Variants in WIF1 observed in about 807,000 individuals in gnomAD.
WIF1 encodes the protein Wnt inhibitory factor 1.
A neutral mutation model predicts 53.5 loss-of-function variants in WIF1; 35 were observed. The observed-to-expected ratio is 0.65, with a 90% CI of 0.50 to 0.87. WIF1 has a LOEUF of 0.87. Among genes scored for constraint, WIF1 ranks in the 40% least tolerant of loss-of-function variants. The pLI, the probability that WIF1 is intolerant of heterozygous loss-of-function variation, is 0.00. For missense variants in WIF1, 467 were observed against 476.8 expected (o/e 0.98, Z 0.19); for synonymous variants, 171 against 170.4 (o/e 1.00, Z -0.03).
At chr12:65,084,092 C>T (rs1158231856) in intron 2 of WIF1, among the ~76,000 whole-genome samples, 1 of 151,950 alleles carries the variant, frequency 6.6e-6, no homozygotes, top group African/African-American at 2.4e-5. Context: ...TGTTTCTTAC[C>T]TCTATCTCAT....
chr12:65,114,049 G>GGGAT (rs1349375865), intron 2 of WIF1, among the ~76,000 whole-genome samples: 2 of 152,158 alleles, frequency 1.3e-5, no homozygotes, highest in Non-Finnish European at 2.9e-5. Context: ...TACACATTAA[G>GGGAT]GGATTTCCAT....
At chr12:65,114,683 A>T (rs1241098509) in intron 2 of WIF1, among the ~76,000 whole-genome samples, 3 of 152,156 alleles carry the variant, frequency 2.0e-5, no homozygotes, top group African/African-American at 7.2e-5. Flanking sequence ...TCTCTTGAGC[A>T]TATCTAATAT....
At position 65,055,230 on chromosome 12, in the gene WIF1, TA is replaced by T. The variant is rs755764654; in HGVS notation, c.923-18del. On this transcript the variant is annotated intron_variant, in intron 8 of 9. Coordinates refer to ENST00000286574, the MANE Select transcript of WIF1 (RefSeq NM_007191.5). ...CGCAGACAGCTAGAATCAAAAGAAA[TA>T]AAAAGAGTATTTCCTGAGCTTTCCT... 3.1e-6 allele frequency: 5 copies of T among 1,608,944 alleles called. No individual in the cohort carries two copies. Among genetic ancestry groups the T allele is most frequent in the East Asian group, 4.5e-5 (2 of 44,836 alleles).
intron 4 of WIF1, 118 bp from the exon 5 acceptor site, chr12:65,067,908 G>T: frequency 1.3e-6 from 1 of 778,814 alleles, no homozygotes. Context: ...AATCATAATT[G>T]ATCAAATACC....
chr12:65,067,906 T>C, intron 4 of WIF1, 116 bp from the exon 5 acceptor site: 2 of 794,570 alleles, frequency 2.5e-6, no homozygotes, highest in Non-Finnish European at 4.0e-6. Context: ...TTAATCATAA[T>C]TGATCAAATA....
At chr12:65,062,357 C>T (rs886539956) in intron 7 of WIF1, 124 bp downstream of exon 7, 2 of 856,456 alleles carry the variant, frequency 2.3e-6, no homozygotes, top group Non-Finnish European at 3.5e-6. Flanking sequence ...AACCACTGGC[C>T]TAAGACCTTA....
intron 8 of WIF1, among the ~76,000 whole-genome samples, 172 bp from the exon 9 acceptor site, chr12:65,055,385 C>A (rs1476002235): frequency 2.6e-5 from 4 of 152,128 alleles, no homozygotes; most frequent in Non-Finnish European, 5.9e-5. Context: ...TTTGTAAAGT[C>A]CTGAGAATGA....
chr12:65,089,683 C>A (rs1883094618), intron 2 of WIF1, among the ~76,000 whole-genome samples: 1 of 152,106 alleles, frequency 6.6e-6, no homozygotes, highest in African/African-American at 2.4e-5. Context: ...ATACTCTATG[C>A]CTGGAGTATC....
intron 2 of WIF1, among the ~76,000 whole-genome samples, chr12:65,090,716 A>C (rs2136629628): frequency 6.6e-6 from 1 of 152,292 alleles, no homozygotes; most frequent in East Asian, 1.9e-4. Flanking sequence ...GAGGAACCCA[A>C]GGAAGCCAGT....
At chr12:65,055,895 A>G in intron 8 of WIF1, 136 bp downstream of exon 8, 1 of 668,236 alleles carries the variant, frequency 1.5e-6, no homozygotes. Flanking sequence ...CTACATAAGG[A>G]AGCATATATG....
chr12:65,108,202 A>G (rs1386052778), intron 2 of WIF1, among the ~76,000 whole-genome samples: 1 of 152,208 alleles, frequency 6.6e-6, no homozygotes, highest in Non-Finnish European at 1.5e-5. Flanking sequence ...CTTGAGAGCA[A>G]GCATCATATC....
chr12:65,056,658 G>A (rs527495849), intron 7 of WIF1, among the ~76,000 whole-genome samples: 2 of 151,454 alleles, frequency 1.3e-5, no homozygotes, highest in South Asian at 4.2e-4. Flanking sequence ...TTTGTTTTTT[G>A]GTTCTTTTTG....
At chr12:65,083,791 C>CCTTTCCTTTCCTTT (rs1253204058) in intron 2 of WIF1, 1 of 321,090 alleles carries the variant, frequency 3.1e-6, no homozygotes, top group African/African-American at 2.9e-5. Flanking sequence ...CCTTTCCTTT[C>CCTTTCCTTTCCTTT]CTTTCCTTTC....
intron 9 of WIF1, among the ~76,000 whole-genome samples, chr12:65,052,376 G>T (rs1227359539): frequency 6.6e-6 from 1 of 152,202 alleles, no homozygotes; most frequent in African/African-American, 2.4e-5. Context: ...ACCTGAGCCA[G>T]CAATGAGTTG....
At chr12:65,112,618 G>C (rs1395676482) in intron 2 of WIF1, among the ~76,000 whole-genome samples, 3 of 152,140 alleles carry the variant, frequency 2.0e-5, no homozygotes, top group Non-Finnish European at 4.4e-5. Flanking sequence ...GCCAAGAAGA[G>C]AGAAACTTCC....
chr12:65,068,297 A>T (rs1362373081), intron 4 of WIF1, among the ~76,000 whole-genome samples: 1 of 151,994 alleles, frequency 6.6e-6, no homozygotes, highest in African/African-American at 2.4e-5. Flanking sequence ...CCTGGTAGGG[A>T]TCACTGGCAT....
intron 2 of WIF1, among the ~76,000 whole-genome samples, chr12:65,086,078 A>AG (rs2136626812): frequency 6.6e-6 from 1 of 152,196 alleles, no homozygotes; most frequent in South Asian, 2.1e-4. Context: ...TTTTTGAGGA[A>AG]GGGGTGACAG....
In WIF1 at chr12:65,055,202, G is replaced by A; in HGVS notation, c.934C>T (p.Pro312Ser). 6.2e-7 allele frequency: 1 copy of A among 1,613,736 alleles called. No homozygotes were observed. The highest frequency in any genetic ancestry group is 8.5e-7 in the Non-Finnish European group (1 of 1,179,902). The change falls in exon 9 of 10, where the codon CCT becomes TCT. Residue 312 changes from proline (P) to serine (S), a missense_variant. Physicochemically the swap from Pro to Ser is moderately conservative, Grantham distance 74 (BLOSUM62 -1). Coordinates refer to ENST00000286574, the MANE Select transcript of WIF1 (RefSeq NM_007191.5). ...CAGGTTCCATGTGCACCACAGCCAGGCTCGCAGACAGCTAGAATCAAAAGA... is the reference window on the plus strand; with the variant it reads ...CAGGTTCCATGTGCACCACAGCCAGACTCGCAGACAGCTAGAATCAAAAGA... ...GDLCSKPVCEPGCGAHGTCHE... is the reference protein window; with the variant it reads ...GDLCSKPVCESGCGAHGTCHE...
intron 2 of WIF1, chr12:65,095,702 A>G (rs1883192544): frequency 6.6e-6 from 1 of 152,122 alleles, no homozygotes; most frequent in African/African-American, 2.4e-5. Context: ...CCCAGTTGTA[A>G]TAGAAGGAAA....
Sources: gnomAD v4.1 joint callset for allele counts (sites outside exome capture counted in the v4.1 genomes callset) on GRCh38, gnomAD v4.1.1 for gene constraint, MANE v1.5 for transcripts, NCBI Gene and HGNC (gene_info 2026-07-23, HGNC 2026-07-21) for gene names.